The following PTPA variants were observed in gnomAD, a reference collection of about 807,000 sequenced individuals.
The protein encoded by PTPA is protein phosphatase 2 phosphatase activator.
In PTPA, 13 loss-of-function variants were observed where a neutral mutation model predicts 43.6. The observed-to-expected ratio is 0.30, with a 90% CI of 0.19 to 0.47. PTPA has a LOEUF of 0.47. Ranked by LOEUF, PTPA falls within the 20% of genes least tolerant of loss-of-function variation. PTPA has a pLI of 0.99. For missense variants in PTPA, 329 were observed against 411.9 expected, an observed-to-expected ratio of 0.80 and a Z score of 1.74; for synonymous variants, 172 against 158.2, an observed-to-expected ratio of 1.09 and a Z score of -0.66.
chr9:129,131,181 G>A (rs993003398), intron 4 of PTPA, among the ~76,000 whole-genome samples: 2 of 152,206 alleles, frequency 1.3e-5, no homozygotes, highest in African/African-American at 4.8e-5. Flanking sequence ...TGTGAAGGAA[G>A]GTGGCCTGTG....
intron 9 of PTPA, among the ~76,000 whole-genome samples, chr9:129,146,034 G>A (rs935007019): frequency 2.7e-5 from 4 of 149,718 alleles, no homozygotes; most frequent in African/African-American, 7.4e-5. Context: ...ACCCCTTCTC[G>A]CCTTGCAACT....
intron 8 of PTPA, among the ~76,000 whole-genome samples, chr9:129,139,132 C>T (rs1437450992): frequency 3.3e-5 from 5 of 152,184 alleles, no homozygotes; most frequent in African/African-American, 7.2e-5. Context: ...CTGGCCAGGC[C>T]TCTGGGTCCC....
chr9:129,136,875 A>G (rs1382891395), intron 7 of PTPA, among the ~76,000 whole-genome samples: 2 of 152,070 alleles, frequency 1.3e-5, no homozygotes, highest in Non-Finnish European at 2.9e-5. Flanking sequence ...CCTGGTGCAT[A>G]ATGGACTGGT....
chr9:129,141,266 T>A (rs764279029), intron 8 of PTPA, among the ~76,000 whole-genome samples: 5 of 152,270 alleles, frequency 3.3e-5, no homozygotes, highest in Middle Eastern at 3.4e-3. Context: ...TGGGGGCTCC[T>A]GAGGGCTCTT....
At chr9:129,136,422 C>A (rs1386679389) in intron 6 of PTPA, 49 bp from the exon 7 acceptor site, 2 of 1,567,130 alleles carry the variant, frequency 1.3e-6, no homozygotes, top group Admixed American at 1.8e-5. Flanking sequence ...AAGGGTGAGA[C>A]TGTCTTTTTA....
At chr9:129,128,873 C>G (rs7023900) in intron 3 of PTPA, 112 bp from the exon 4 acceptor site, 918,611 of 1,324,686 alleles carry the variant, frequency 0.69, 319,665 homozygotes, top group Middle Eastern at 0.71. Context: ...GGGGAGAGTT[C>G]CCAGTAGGGG....
At position 129,117,904 on chromosome 9, in the gene PTPA, C is replaced by T. The variant is rs1848985356; in HGVS notation, c.32-2609C>T. Among the ~76,000 whole-genome samples, 5 of 151,348 alleles carry T rather than the reference C, an allele frequency of 3.3e-5. No individual in the cohort carries two copies. The South Asian group carries it at 1.0e-3, about 32-fold the overall frequency. On this transcript the variant is annotated intron_variant, in intron 1 of 9. Transcript: ENST00000393370. ...GTAGAGATGGGGTTTCAATATGTTT[C>T]CCAGGCCTGGTCTGGAACTCCTGAC...
chr9:129,138,036 G>C, intron 8 of PTPA: 1 of 356,448 alleles, frequency 2.8e-6, no homozygotes, highest in South Asian at 2.4e-5. Context: ...GCATCTTTCG[G>C]TGGGGCCCCA....
chr9:129,111,183 C>T (rs1848442563), upstream of PTPA: 6 of 1,099,972 alleles, frequency 5.5e-6, no homozygotes, highest in Non-Finnish European at 1.2e-6. Flanking sequence ...GGTGGTACTC[C>T]GGGACAGGAG....
chr9:129,121,165 T>C (rs1849227217), intron 2 of PTPA, among the ~76,000 whole-genome samples: 2 of 152,238 alleles, frequency 1.3e-5, no homozygotes, highest in Non-Finnish European at 2.9e-5. Flanking sequence ...AAAGACAGAC[T>C]GAGCAAAAGA....
intron 4 of PTPA, 41 bp downstream of exon 4, chr9:129,129,151 T>C (rs987182134): frequency 1.2e-6 from 2 of 1,605,670 alleles, no homozygotes; most frequent in African/African-American, 2.7e-5. Context: ...GGGCTGGCAG[T>C]GAGGGTGGTT....
chr9:129,136,376 G>C, intron 6 of PTPA, 95 bp from the exon 7 acceptor site: 1 of 1,366,488 alleles, frequency 7.3e-7, no homozygotes, highest in Non-Finnish European at 1.0e-6. Context: ...CTCTTCAGTG[G>C]TTATTTTGGG....
upstream of PTPA, chr9:129,111,283 T>A (rs1307767996): frequency 3.3e-6 from 4 of 1,214,528 alleles, no homozygotes; most frequent in South Asian, 7.3e-5. Context: ...CGGGCGGCCG[T>A]GAGCGGTCCT....
At position 129,147,808 on chromosome 9, in the gene PTPA, A is replaced by G; in HGVS notation, c.*344A>G. The G allele has an allele frequency of 3.2e-6, 1 of 312,834 alleles. No homozygotes were observed. Among genetic ancestry groups the G allele is most frequent in the Non-Finnish European group, 6.1e-6 (1 of 162,814 alleles). 19.4% of individuals were successfully genotyped at this position (312,834 alleles called of 1,614,324 possible). On this transcript the variant is annotated 3_prime_UTR_variant, in exon 10 of 10. Coordinates refer to ENST00000393370, the MANE Select transcript of PTPA (RefSeq NM_178000.3). ...GTTTTGAGAGCAGGGGCTGTTCTGC[A>G]GCACCGCAGGGAAGGGAGGAGAGAT...
intron 8 of PTPA, among the ~76,000 whole-genome samples, chr9:129,138,509 C>A (rs1351392356): frequency 6.6e-6 from 1 of 152,158 alleles, no homozygotes; most frequent in African/African-American, 2.4e-5. Context: ...GACTTCTCAT[C>A]CTCTCTGCCA....
At chr9:129,145,403 C>G (rs764280173) in intron 9 of PTPA, among the ~76,000 whole-genome samples, 4 of 152,164 alleles carry the variant, frequency 2.6e-5, no homozygotes, top group Non-Finnish European at 4.4e-5. Flanking sequence ...GCAACTAGCC[C>G]TTAGTCCTTG....
chr9:129,116,728 G>A (rs113051934), intron 1 of PTPA, among the ~76,000 whole-genome samples: 13 of 151,952 alleles, frequency 8.6e-5, no homozygotes, highest in East Asian at 7.8e-4. Flanking sequence ...ACAGGGTTTC[G>A]CCATGTTGAC....
chr9:129,137,562 C>G, intron 7 of PTPA, 30 bp from the exon 8 acceptor site: 1 of 1,564,500 alleles, frequency 6.4e-7, no homozygotes, highest in Non-Finnish European at 8.7e-7. Context: ...GGGCCTGGTT[C>G]TGAATGCTGG....
chr9:129,137,867 C>A, intron 8 of PTPA, 175 bp downstream of exon 8: 2 of 669,372 alleles, frequency 3.0e-6, no homozygotes, highest in Non-Finnish European at 2.8e-6. Flanking sequence ...AGAGCCGCTG[C>A]TGACTGTCAG....
Sources: gnomAD v4.1 joint callset for allele counts (sites outside exome capture counted in the v4.1 genomes callset) on GRCh38, gnomAD v4.1.1 for gene constraint, MANE v1.5 for transcripts, NCBI Gene and HGNC (gene_info 2026-07-23, HGNC 2026-07-21) for gene names.